The following MYO5B variants were observed in gnomAD, a reference collection of about 807,000 sequenced individuals.
MYO5B encodes myosin VB.
In MYO5B, 143 loss-of-function variants were observed where a neutral mutation model predicts 229.3. The observed-to-expected ratio is 0.62, with a 90% CI of 0.54 to 0.72. The LOEUF (loss-of-function observed/expected upper bound fraction) is 0.72. Ranked by LOEUF, MYO5B falls within the 30% of genes least tolerant of loss-of-function variation. The pLI is 0.00. For synonymous variants in MYO5B, 918 were observed against 885.2 expected, an observed-to-expected ratio of 1.04 and a Z score of -0.66; for missense variants, 2,321 against 2,331.0, an observed-to-expected ratio of 1.00 and a Z score of 0.09.
intron 1 of MYO5B, among the ~76,000 whole-genome samples, chr18:50,085,780 C>T (rs1256499560): frequency 2.0e-5 from 3 of 152,010 alleles, no homozygotes; most frequent in Non-Finnish European, 2.9e-5. Context: ...ATGGATGAAA[C>T]TGGAAACCAT....
rs1339641294 is a variant in MYO5B, at chr18:50,001,390, G to C, written c.477C>G (p.Ile159Met). Residue 159 changes from isoleucine (I) to methionine (M), a missense_variant, in exon 5 of 40, where the codon ATC becomes ATG. By Grantham distance (10) the Ile-to-Met change is conservative. This residue lies in a region of MYO5B where 2,113 missense variants were observed against 2,044.7 expected (regional missense o/e 1.03). Coordinates refer to ENST00000285039, the MANE Select transcript of MYO5B (RefSeq NM_001080467.3). ...CGGCTCCAGACTCCCCACTGACTAT[G>C]ATGGACTGATTCTTCTCATCTCTGG... Reference protein sequence around the residue: ...QMARDEKNQSIIVSGESGAGK... With the variant: ...QMARDEKNQSMIVSGESGAGK... 1 of 1,614,044 alleles carries C rather than the reference G, an allele frequency of 6.2e-7. No homozygotes were observed. The highest frequency in any genetic ancestry group is 2.2e-5 in the East Asian group (1 of 44,886).
chr18:49,990,627 C>T, intron 6 of MYO5B, 107 bp from the exon 7 acceptor site: 2 of 880,424 alleles, frequency 2.3e-6, no homozygotes, highest in Non-Finnish European at 3.7e-6. Context: ...GAGCCCCCCA[C>T]TCTTCCCAGT....
chr18:50,060,628 G>A (rs962588210), intron 1 of MYO5B, among the ~76,000 whole-genome samples: 1 of 152,188 alleles, frequency 6.6e-6, no homozygotes, highest in Non-Finnish European at 1.5e-5. Flanking sequence ...CCTAGAGAAG[G>A]CAGATGCCTA....
At position 50,006,562 on chromosome 18, in the gene MYO5B, A is replaced by G. The variant is rs150083543; in HGVS notation, c.456-5151T>C. On this transcript the variant is annotated intron_variant, in intron 4 of 39. Transcript: ENST00000285039. Reference sequence around the variant, plus strand: ...AAAAGACCTGACAACCAACACATCCACACACACACTACCTCCCCAGTTCAC... The same window carrying G: ...AAAAGACCTGACAACCAACACATCCGCACACACACTACCTCCCCAGTTCAC... Among the ~76,000 whole-genome samples, 59 of 152,226 alleles carry G rather than the reference A, an allele frequency of 3.9e-4. No individual in the cohort carries two copies. The South Asian group carries it at 0.01, about 27-fold the overall frequency.
chr18:49,955,295 T>G (rs2025480384), intron 12 of MYO5B, among the ~76,000 whole-genome samples: 1 of 152,222 alleles, frequency 6.6e-6, no homozygotes, highest in Non-Finnish European at 1.5e-5. Context: ...CTTACTTCAT[T>G]GAAAATGTAA....
At chr18:50,053,518 A>T (rs554056088) in intron 2 of MYO5B, among the ~76,000 whole-genome samples, 1 of 152,250 alleles carries the variant, frequency 6.6e-6, no homozygotes, top group South Asian at 2.1e-4. Flanking sequence ...TGGGTGGACT[A>T]ATTTCATTTT....
At chr18:50,025,697 C>T (rs187409201) in intron 4 of MYO5B, among the ~76,000 whole-genome samples, 5 of 152,322 alleles carry the variant, frequency 3.3e-5, no homozygotes, top group Admixed American at 2.6e-4. Flanking sequence ...CCTGCACTCT[C>T]AGTTATATTC....
chr18:50,086,312 C>A (rs1442928523), intron 1 of MYO5B, among the ~76,000 whole-genome samples: 1 of 152,172 alleles, frequency 6.6e-6, no homozygotes, highest in African/African-American at 2.4e-5. Context: ...ATATCTATGT[C>A]TGTGTACCAT....
chr18:49,977,535 T>C (rs2025765220), intron 9 of MYO5B, among the ~76,000 whole-genome samples: 1 of 152,302 alleles, frequency 6.6e-6, no homozygotes, highest in East Asian at 1.9e-4. Context: ...GCACACATTC[T>C]GTGCCTGGCA....
chr18:50,091,979 GCTTTCA>G (rs1388355554), intron 1 of MYO5B, among the ~76,000 whole-genome samples: 1 of 152,214 alleles, frequency 6.6e-6, no homozygotes, highest in Non-Finnish European at 1.5e-5. Context: ...CCCATTGTGA[GCTTTCA>G]CTAGAATTAT....
chr18:49,856,783 C>G (rs574615784), intron 30 of MYO5B, 30 bp downstream of exon 30: 3 of 1,585,954 alleles, frequency 1.9e-6, no homozygotes, highest in Non-Finnish European at 2.6e-6. Flanking sequence ...ACGGACAAAG[C>G]AGACACAGGA....
intron 36 of MYO5B, among the ~76,000 whole-genome samples, chr18:49,838,798 G>C (rs1029325682): frequency 6.6e-6 from 1 of 152,090 alleles, no homozygotes; most frequent in Non-Finnish European, 1.5e-5. Context: ...TTTTTTCCAT[G>C]AATCAAGTTC....
chr18:49,986,649 CT>C (rs2025873646), intron 7 of MYO5B, among the ~76,000 whole-genome samples: 1 of 152,230 alleles, frequency 6.6e-6, no homozygotes, highest in East Asian at 1.9e-4. Flanking sequence ...TCTTTCTTAC[CT>C]AATCACTCAG....
intron 22 of MYO5B, among the ~76,000 whole-genome samples, chr18:49,889,882 A>T (rs2024688413): frequency 6.6e-6 from 1 of 152,192 alleles, no homozygotes; most frequent in South Asian, 2.1e-4. Flanking sequence ...CATGTATGCC[A>T]CCTACACCTC....
intron 14 of MYO5B, among the ~76,000 whole-genome samples, chr18:49,938,382 G>T (rs1282998517): frequency 6.6e-6 from 1 of 152,054 alleles, no homozygotes; most frequent in Non-Finnish European, 1.5e-5. Flanking sequence ...CATCCCTTGG[G>T]GAAGTCAATG....
chr18:50,031,947 T>C (rs1336041063), intron 4 of MYO5B, among the ~76,000 whole-genome samples: 1 of 152,218 alleles, frequency 6.6e-6, no homozygotes, highest in Non-Finnish European at 1.5e-5. Flanking sequence ...TGGGAAGCTC[T>C]GCCTTAAAGG....
At chr18:49,981,608 A>G (rs1427216723) in intron 8 of MYO5B, among the ~76,000 whole-genome samples, 1 of 152,260 alleles carries the variant, frequency 6.6e-6, no homozygotes, top group East Asian at 1.9e-4. Flanking sequence ...AGTAAATAAT[A>G]TAATGAATCC....
intron 29 of MYO5B, 21 bp from the exon 30 acceptor site, chr18:49,856,911 A>C: frequency 6.3e-7 from 1 of 1,592,130 alleles, no homozygotes; most frequent in Non-Finnish European, 8.6e-7. Flanking sequence ...AGGACAGAAA[A>C]ACAGGGTGTC....
rs189640043 is a variant in MYO5B, at chr18:49,942,824, A to G, written c.1753-5427T>C. On this transcript the variant is annotated intron_variant, in intron 14 of 39. Coordinates refer to ENST00000285039, the MANE Select transcript of MYO5B (RefSeq NM_001080467.3). ...TGGTGTGGCGATTCCTCAGGGATCTAGAACTAGAAATACCATTTGACACGG... is the reference window on the plus strand; with the variant it reads ...TGGTGTGGCGATTCCTCAGGGATCTGGAACTAGAAATACCATTTGACACGG... Among the ~76,000 whole-genome samples the G allele has an allele frequency of 2.1e-3, 327 of 152,330 alleles. 1 individual carries two copies. The highest frequency in any genetic ancestry group is 6.6e-3 in the African/African-American group (274 of 41,564).
Sources: gnomAD v4.1 joint callset for allele counts (sites outside exome capture counted in the v4.1 genomes callset) on GRCh38, gnomAD v4.1.1 for gene constraint, gnomAD v4.1.1 regional missense constraint, MANE v1.5 for transcripts, NCBI Gene and HGNC (gene_info 2026-07-23, HGNC 2026-07-21) for gene names.